The following USP14 variants were observed in gnomAD, a reference collection of about 807,000 sequenced individuals.
USP14 encodes the protein ubiquitin specific peptidase 14.
A neutral mutation model predicts 76.5 loss-of-function variants in USP14; 38 were observed. The observed-to-expected ratio is 0.50, with a 90% CI of 0.38 to 0.65. USP14 has a LOEUF of 0.65. Among genes scored for constraint, USP14 ranks in the 30% least tolerant of loss-of-function variants. USP14 has a pLI of 0.00. For synonymous variants in USP14, 192 were observed against 191.7 expected (o/e 1.00, Z -0.01); for missense variants, 467 against 586.5 (o/e 0.80, Z 2.10).
intron 5 of USP14, among the ~76,000 whole-genome samples, chr18:190,672 AG>A (rs1403404271): frequency 2.0e-5 from 3 of 152,298 alleles, no homozygotes; most frequent in African/African-American, 7.2e-5. Flanking sequence ...CTCTCTTTGT[AG>A]GTGTCAAAGT....
At chr18:166,903 GTGTATATCCAGT>G (rs1909288420) in intron 3 of USP14, 84 bp downstream of exon 3, 1 of 1,234,196 alleles carries the variant, frequency 8.1e-7, no homozygotes, top group African/African-American at 1.5e-5. Flanking sequence ...TTTTTTTCAT[GTGTATATCCAGT>G]TGTTCCAGCA....
chr18:195,504 G>T (rs914883772), intron 6 of USP14, among the ~76,000 whole-genome samples: 5 of 152,196 alleles, frequency 3.3e-5, no homozygotes, highest in African/African-American at 4.8e-5. Context: ...GGAGGGCAAG[G>T]TATGATCACT....
rs1568416815 is a variant in USP14, at chr18:171,028, AT to A, written c.195+4210del. Among the ~76,000 whole-genome samples, 189 of 55,722 alleles carry A rather than the reference AT, an allele frequency of 3.4e-3. 1 individual carries two copies. The highest frequency in any genetic ancestry group is 0.012 in the African/African-American group (159 of 13,762). 36.6% of individuals were successfully genotyped at this position (55,722 alleles called of 152,430 possible). ...GGAACTTAAAAAAAAAAAAAAAAAT[AT>A]ATATATATATATATATATATATATA... On this transcript the variant is annotated intron_variant, in intron 3 of 15. Coordinates refer to ENST00000261601, the MANE Select transcript of USP14 (RefSeq NM_005151.4).
intron 5 of USP14, among the ~76,000 whole-genome samples, chr18:183,322 T>G (rs981028284): frequency 1.4e-5 from 2 of 147,572 alleles, no homozygotes; most frequent in Non-Finnish European, 3.0e-5. Flanking sequence ...GGTTTTCTCT[T>G]TTTTTTTTTT....
chr18:175,470 T>C (rs889342734), intron 3 of USP14, among the ~76,000 whole-genome samples: 3 of 152,314 alleles, frequency 2.0e-5, no homozygotes, highest in Non-Finnish European at 2.9e-5. Context: ...AATTTTGTCA[T>C]TTTGTTAAAT....
chr18:173,233 G>A (rs1165406187), intron 3 of USP14, among the ~76,000 whole-genome samples: 2 of 150,438 alleles, frequency 1.3e-5, no homozygotes, highest in Non-Finnish European at 3.0e-5. Flanking sequence ...TCAGCCTCCC[G>A]AGTAGCTGGG....
chr18:167,190 G>A (rs1260113268), intron 3 of USP14, among the ~76,000 whole-genome samples: 1 of 152,146 alleles, frequency 6.6e-6, no homozygotes, highest in Non-Finnish European at 1.5e-5. Context: ...CAGGAGGCAG[G>A]AGAATCACTT....
chr18:163,498 C>T, intron 2 of USP14, 45 bp downstream of exon 2: 2 of 1,549,976 alleles, frequency 1.3e-6, no homozygotes, highest in South Asian at 1.2e-5. Context: ...TTATTGTATA[C>T]TTTTTGAAAA....
At chr18:204,741 C>T (rs773551473) in intron 13 of USP14, 49 bp downstream of exon 13, 1 of 1,582,710 alleles carries the variant, frequency 6.3e-7, no homozygotes. Context: ...AATCTCCCAT[C>T]AGTGCTCAGC....
At chr18:206,727 C>T (rs1464939334) in intron 13 of USP14, among the ~76,000 whole-genome samples, 1 of 152,136 alleles carries the variant, frequency 6.6e-6, no homozygotes, top group Non-Finnish European at 1.5e-5. Context: ...TGGTGAAACC[C>T]TGTCTCTACT....
chr18:194,115 A>G (rs1166368957), intron 6 of USP14, among the ~76,000 whole-genome samples: 2 of 152,226 alleles, frequency 1.3e-5, no homozygotes, highest in African/African-American at 4.8e-5. Flanking sequence ...CTTTTTGACT[A>G]TAGCCATCCA....
chr18:203,514 C>G (rs1217070867), intron 12 of USP14, among the ~76,000 whole-genome samples: 3 of 152,038 alleles, frequency 2.0e-5, no homozygotes, highest in Non-Finnish European at 4.4e-5. Context: ...AAATAGTGCC[C>G]TAGACCACGT....
chr18:180,556 C>A (rs989067578), intron 5 of USP14, among the ~76,000 whole-genome samples: 1 of 152,206 alleles, frequency 6.6e-6, no homozygotes, highest in African/African-American at 2.4e-5. Context: ...AAAGCAGTGT[C>A]GTACTCACTG....
chr18:158,676 G>T lies in USP14; in HGVS notation c.-23G>T, dbSNP rs1327423789. 1.3e-6 allele frequency: 2 copies of T among 1,517,562 alleles called. No individual in the cohort carries two copies. The highest frequency in any genetic ancestry group is 5.4e-5 in the East Asian group (2 of 37,362). 94.0% of individuals were successfully genotyped at this position (1,517,562 alleles called of 1,614,324 possible). A position where few individuals can be genotyped will look rare whatever the true frequency, so the allele number is the denominator to read the frequency against. On this transcript the variant is annotated 5_prime_UTR_variant, in exon 1 of 16. Transcript: ENST00000261601. ...TCGTCAGGCCCAGCTCTCCTGCGCC[G>T]CCGCCTCCCGCCGCGCCCCGCCATG...
intron 5 of USP14, among the ~76,000 whole-genome samples, chr18:189,156 C>G (rs939304918): frequency 2.6e-5 from 4 of 151,538 alleles, no homozygotes; most frequent in South Asian, 2.1e-4. Flanking sequence ...GTTTTCCTCC[C>G]TTGATTTTCT....
chr18:198,324 A>T (rs749938094), intron 9 of USP14, among the ~76,000 whole-genome samples, 192 bp downstream of exon 9: 2 of 152,068 alleles, frequency 1.3e-5, no homozygotes, highest in Non-Finnish European at 2.9e-5. Flanking sequence ...TGCAACCTCC[A>T]CCTCCTGGGT....
chr18:161,116 C>T (rs1192782371), intron 1 of USP14, among the ~76,000 whole-genome samples: 3 of 152,032 alleles, frequency 2.0e-5, no homozygotes, highest in Non-Finnish European at 2.9e-5. Context: ...TTAGTAGAAA[C>T]GAGGTTTCAC....
At chr18:169,395 T>C (rs1207581495) in intron 3 of USP14, among the ~76,000 whole-genome samples, 2 of 151,072 alleles carry the variant, frequency 1.3e-5, no homozygotes, top group East Asian at 3.9e-4. Flanking sequence ...GTGGACATCT[T>C]GTCTTATTCT....
chr18:195,974 AT>A (rs961249927), intron 6 of USP14, among the ~76,000 whole-genome samples: 119 of 148,818 alleles, frequency 8.0e-4, no homozygotes, highest in South Asian at 1.5e-3. Context: ...TTTAAAAAGG[AT>A]TTTTTTTTTT....
Sources: allele counts gnomAD v4.1 joint callset (sites outside exome capture counted in the v4.1 genomes callset), GRCh38; gene constraint gnomAD v4.1.1; transcripts MANE v1.5; gene names NCBI Gene and HGNC (gene_info 2026-07-23, HGNC 2026-07-21).